HORMAD2: variants seen among roughly 807,000 people sequenced by gnomAD.
HORMAD2 encodes the protein HORMA domain containing 2, also known as HORMA domain-containing protein 2.
In HORMAD2, 45 loss-of-function variants were observed where a neutral mutation model predicts 38.8. The observed-to-expected ratio is 1.16, with a 90% CI of 0.91 to 1.49. The LOEUF is 1.49. Ranked by LOEUF, HORMAD2 falls within the 40% of genes most tolerant of loss-of-function variation. The pLI, the probability that HORMAD2 is intolerant of heterozygous loss-of-function variation, is 0.00. For synonymous variants in HORMAD2, 126 were observed against 122.8 expected (o/e 1.03, Z -0.17); for missense variants, 338 against 367.0 (o/e 0.92, Z 0.65).
intron 10 of HORMAD2, among the ~76,000 whole-genome samples, chr22:30,167,709 C>T (rs915939713): frequency 4.6e-5 from 7 of 152,024 alleles, no homozygotes; most frequent in Admixed American, 2.6e-4. Flanking sequence ...GTTTGAAGTC[C>T]CAATAGGCTG....
At chr22:30,136,264 C>T (rs537114843) in intron 10 of HORMAD2, among the ~76,000 whole-genome samples, 2 of 152,238 alleles carry the variant, frequency 1.3e-5, no homozygotes, top group East Asian at 3.9e-4. Flanking sequence ...CTATTTGATT[C>T]TATTTGTACA....
At chr22:30,193,549 G>T in the HORMAD2 span, among the ~76,000 whole-genome samples, 1 of 152,210 alleles carries the variant, frequency 6.6e-6, no homozygotes, top group Non-Finnish European at 1.5e-5. Flanking sequence ...CCTCTCTGAG[G>T]AAGTGGTGTT....
At position 30,119,043 on chromosome 22, in the gene HORMAD2, G is replaced by C. The variant is rs1922255381; in HGVS notation, c.406G>C (p.Asp136His). 2 of 1,574,612 alleles carry C rather than the reference G, an allele frequency of 1.3e-6. No homozygotes were observed. Among genetic ancestry groups the C allele is most frequent in the Non-Finnish European group, 1.7e-6 (2 of 1,156,472 alleles). Residue 136 changes from aspartate (D) to histidine (H), a missense_variant, in exon 8 of 11, where the codon GAC (aspartate) becomes CAC (histidine). By Grantham distance (81) the Asp-to-His change is moderately conservative. Transcript: ENST00000336726. ...GAAAGAAGGAGCCACTATGGATTTT[G>C]ACAGGTAGAATCTAACTGCTTAATG... ...YTKEGATMDF[D>H]SHSSSTSFES...
chr22:30,112,723 G>A (rs1025292677), intron 7 of HORMAD2, among the ~76,000 whole-genome samples: 18 of 151,814 alleles, frequency 1.2e-4, no homozygotes, highest in African/African-American at 3.9e-4. Context: ...AAGGGTATTG[G>A]GGAAAAAAGG....
chr22:30,101,572 C>T (rs1920945483), intron 3 of HORMAD2, among the ~76,000 whole-genome samples: 1 of 150,930 alleles, frequency 6.6e-6, no homozygotes, highest in Admixed American at 6.6e-5. Flanking sequence ...CACATGTATT[C>T]CAGAACTTAA....
intron 10 of HORMAD2, among the ~76,000 whole-genome samples, chr22:30,127,496 C>T (rs373208845): frequency 4.6e-5 from 7 of 152,216 alleles, no homozygotes; most frequent in Middle Eastern, 3.4e-3. Flanking sequence ...TGTGAACCAC[C>T]ACGCCCAGCC....
Position 30,096,054 on chromosome 22 carries a change from A to G in HORMAD2, c.51+2051A>G, listed in dbSNP as rs182162674. Among the ~76,000 whole-genome samples, 370 of 152,268 alleles carry G rather than the reference A, an allele frequency of 2.4e-3. 2 individuals carry two copies. The highest frequency in any genetic ancestry group is 8.5e-3 in the African/African-American group (352 of 41,554). Reference sequence around the variant, plus strand: ...AAATCATATACTAATACTCATTTGTATCTGGTTTCTTTTGCTCAGCATTGT... The same window carrying G: ...AAATCATATACTAATACTCATTTGTGTCTGGTTTCTTTTGCTCAGCATTGT... On this transcript the variant is annotated intron_variant, in intron 2 of 10. Transcript: ENST00000336726.
intron 10 of HORMAD2, among the ~76,000 whole-genome samples, chr22:30,164,836 A>G (rs895354368): frequency 2.0e-5 from 3 of 152,212 alleles, no homozygotes; most frequent in Non-Finnish European, 4.4e-5. Flanking sequence ...GGAATGCTTC[A>G]TACATTTTGG....
the HORMAD2 span, among the ~76,000 whole-genome samples, chr22:30,206,447 C>T: frequency 1.3e-5 from 2 of 151,050 alleles, no homozygotes; most frequent in Non-Finnish European, 1.5e-5. Flanking sequence ...CATGAGCCAC[C>T]GCGCCTGGCC....
upstream of HORMAD2, among the ~76,000 whole-genome samples, chr22:30,077,885 G>A (rs1489989356): frequency 6.6e-6 from 1 of 152,096 alleles, no homozygotes; most frequent in East Asian, 1.9e-4. Context: ...TCAACTATTT[G>A]AATACCTTCA....
chr22:30,139,328 T>A (rs1435974194), intron 10 of HORMAD2, among the ~76,000 whole-genome samples: 1 of 144,012 alleles, frequency 6.9e-6, no homozygotes, highest in African/African-American at 2.6e-5. Flanking sequence ...TATATATAAA[T>A]AACCTGTCTC....
chr22:30,139,330 A>C (rs1387960389), intron 10 of HORMAD2, among the ~76,000 whole-genome samples: 2 of 138,320 alleles, frequency 1.4e-5, no homozygotes, highest in African/African-American at 5.5e-5. Context: ...TATATAAATA[A>C]CCTGTCTCTC....
At chr22:30,156,620 G>T (rs971094265) in intron 10 of HORMAD2, among the ~76,000 whole-genome samples, 1 of 152,142 alleles carries the variant, frequency 6.6e-6, no homozygotes, top group South Asian at 2.1e-4. Flanking sequence ...AAAATTAATT[G>T]TATCTTTTAA....
intron 10 of HORMAD2, among the ~76,000 whole-genome samples, chr22:30,135,271 A>T (rs1171481502): frequency 1.3e-5 from 2 of 152,034 alleles, no homozygotes; most frequent in East Asian, 3.9e-4. Flanking sequence ...TATATGAAGC[A>T]ACTGTTTTTG....
At chr22:30,118,664 A>G (rs941089900) in intron 7 of HORMAD2, among the ~76,000 whole-genome samples, 3 of 152,220 alleles carry the variant, frequency 2.0e-5, no homozygotes, top group Non-Finnish European at 4.4e-5. Flanking sequence ...TGTTACATGA[A>G]TGAATGGTTT....
chr22:30,203,435 G>A, the HORMAD2 span, among the ~76,000 whole-genome samples: 1 of 150,118 alleles, frequency 6.7e-6, no homozygotes, highest in Non-Finnish European at 1.5e-5. Context: ...GCTTGGAAAT[G>A]CCTGGCACTC....
intron 10 of HORMAD2, among the ~76,000 whole-genome samples, chr22:30,165,276 A>G (rs1925708015): frequency 6.6e-6 from 1 of 152,156 alleles, no homozygotes. Context: ...GCCTGTCTTT[A>G]TGCCAGTACC....
At chr22:30,126,700 A>G (rs1922892901) in intron 10 of HORMAD2, among the ~76,000 whole-genome samples, 1 of 152,206 alleles carries the variant, frequency 6.6e-6, no homozygotes, top group Non-Finnish European at 1.5e-5. Flanking sequence ...GAATAGAATT[A>G]CTAGGAGTAG....
chr22:30,207,213 G>A, the HORMAD2 span: 3 of 409,220 alleles, frequency 7.3e-6, no homozygotes, highest in African/African-American at 6.2e-5. Context: ...GTTTGTCAAG[G>A]GTTTGGGACG....
Sources: allele counts gnomAD v4.1 joint callset (sites outside exome capture counted in the v4.1 genomes callset), GRCh38; gene constraint gnomAD v4.1.1; transcripts MANE v1.5; gene names NCBI Gene and HGNC (gene_info 2026-07-23, HGNC 2026-07-21).